The following EYA4 variants were observed in gnomAD, a reference collection of about 807,000 sequenced individuals.
EYA4 encodes EYA transcriptional coactivator and phosphatase 4.
A neutral mutation model predicts 87.9 loss-of-function variants in EYA4; 31 were observed. The observed-to-expected ratio is 0.35, with a 90% confidence interval of 0.27 to 0.48. EYA4 has a LOEUF of 0.48. Ranked by LOEUF, EYA4 falls within the 20% of genes least tolerant of loss-of-function variation. The pLI is 0.99. For synonymous variants in EYA4, 263 were observed against 270.6 expected (o/e 0.97, Z 0.28); for missense variants, 678 against 761.4 (o/e 0.89, Z 1.29).
intron 14 of EYA4, among the ~76,000 whole-genome samples, chr6:133,509,069 C>A (rs896100517): frequency 2.0e-5 from 3 of 152,102 alleles, no homozygotes; most frequent in Non-Finnish European, 4.4e-5. Flanking sequence ...AGATAAAGTG[C>A]CCAAGGAAAC....
chr6:133,320,828 C>T (rs1003339819), intron 2 of EYA4, among the ~76,000 whole-genome samples: 3 of 152,172 alleles, frequency 2.0e-5, no homozygotes, highest in Admixed American at 1.3e-4. Context: ...CCAGCTCCAT[C>T]TGTGTTGCTG....
chr6:133,373,685 C>T (rs1388068127), intron 2 of EYA4, among the ~76,000 whole-genome samples: 1 of 151,952 alleles, frequency 6.6e-6, no homozygotes, highest in East Asian at 1.9e-4. Flanking sequence ...TCTTGTGACA[C>T]CCAGGACGGC....
chr6:133,464,915 AC>A, intron 10 of EYA4, 57 bp downstream of exon 10: 1 of 1,179,718 alleles, frequency 8.5e-7, no homozygotes, highest in Non-Finnish European at 1.3e-6. Context: ...TTTGAAGAGT[AC>A]TCTCAGGTTG....
intron 1 of EYA4, among the ~76,000 whole-genome samples, chr6:133,261,179 G>A (rs1312553552): frequency 6.6e-6 from 1 of 152,158 alleles, no homozygotes; most frequent in African/African-American, 2.4e-5. Flanking sequence ...CGTCACAGCA[G>A]CCTTTAAGTT....
At chr6:133,265,400 GC>G (rs1463677285) in intron 1 of EYA4, among the ~76,000 whole-genome samples, 1 of 151,898 alleles carries the variant, frequency 6.6e-6, no homozygotes, top group Non-Finnish European at 1.5e-5. Flanking sequence ...TAGATTATTG[GC>G]TCATAAAACA....
chr6:133,279,342 C>T (rs1168512369), intron 2 of EYA4, among the ~76,000 whole-genome samples: 4 of 152,026 alleles, frequency 2.6e-5, no homozygotes, highest in African/African-American at 9.7e-5. Context: ...TAAATCAATT[C>T]ACTTATATTG....
At chr6:133,451,329 C>T (rs1793420478) in intron 5 of EYA4, among the ~76,000 whole-genome samples, 1 of 152,168 alleles carries the variant, frequency 6.6e-6, no homozygotes, top group Non-Finnish European at 1.5e-5. Flanking sequence ...TCAGATTTGG[C>T]CCAACTCCTG....
At chr6:133,244,010 C>T (rs1774198868) in intron 1 of EYA4, among the ~76,000 whole-genome samples, 1 of 152,078 alleles carries the variant, frequency 6.6e-6, no homozygotes, top group South Asian at 2.1e-4. Context: ...AAGTTAAACC[C>T]GTATTTAGGA....
intron 3 of EYA4, among the ~76,000 whole-genome samples, chr6:133,391,396 AT>A (rs1366017838): frequency 6.6e-6 from 1 of 151,802 alleles, no homozygotes; most frequent in Non-Finnish European, 1.5e-5. Flanking sequence ...CAAAGGATTA[AT>A]TTCTTAACTC....
intron 1 of EYA4, among the ~76,000 whole-genome samples, chr6:133,244,627 T>TAAA (rs5880167): frequency 0.018 from 2,625 of 145,560 alleles, 32 homozygotes; most frequent in African/African-American, 0.036. Context: ...CTCTTTGGGT[T>TAAA]AAAAAAAAAA....
At chr6:133,404,787 G>A (rs943170607) in intron 3 of EYA4, among the ~76,000 whole-genome samples, 5 of 152,168 alleles carry the variant, frequency 3.3e-5, no homozygotes, top group Non-Finnish European at 7.3e-5. Context: ...TTCACGTGTA[G>A]CCCTGCCTCA....
chr6:133,388,781 A>G (rs143837420), intron 3 of EYA4, among the ~76,000 whole-genome samples: 2 of 152,340 alleles, frequency 1.3e-5, no homozygotes, highest in African/African-American at 4.8e-5. Context: ...TTCTTCATTC[A>G]TACCGTGTTT....
chr6:133,512,821 G>A (rs377414272), intron 15 of EYA4, 42 bp downstream of exon 15: 33 of 1,611,926 alleles, frequency 2.0e-5, no homozygotes, highest in South Asian at 1.6e-4. Flanking sequence ...ACAGAAATTC[G>A]GCTGTGGAGT....
intron 2 of EYA4, among the ~76,000 whole-genome samples, chr6:133,286,814 G>C (rs1389328449): frequency 6.6e-6 from 1 of 152,144 alleles, no homozygotes; most frequent in Non-Finnish European, 1.5e-5. Flanking sequence ...GATGTTTCTA[G>C]GCACTTCAGG....
intron 2 of EYA4, among the ~76,000 whole-genome samples, chr6:133,332,035 T>G (rs1782001642): frequency 6.6e-6 from 1 of 152,198 alleles, no homozygotes; most frequent in Non-Finnish European, 1.5e-5. Flanking sequence ...TCAGTGGACT[T>G]ACTTATAATT....
At chr6:133,399,737 AT>A (rs1320480886) in intron 3 of EYA4, among the ~76,000 whole-genome samples, 1 of 152,104 alleles carries the variant, frequency 6.6e-6, no homozygotes, top group African/African-American at 2.4e-5. Context: ...TGTTAACAGC[AT>A]TTTTTCTCCT....
At chr6:133,382,789 G>C (rs1038959602) in intron 3 of EYA4, among the ~76,000 whole-genome samples, 1 of 86,292 alleles carries the variant, frequency 1.2e-5, no homozygotes, top group African/African-American at 3.5e-5. Context: ...TCAAATCTGT[G>C]TTTACAAAAA....
At chr6:133,264,277 G>A (rs1026422609) in intron 1 of EYA4, among the ~76,000 whole-genome samples, 2 of 152,244 alleles carry the variant, frequency 1.3e-5, no homozygotes, top group African/African-American at 2.4e-5. Context: ...TTTTGGCAGA[G>A]CGGTACTACC....
At chr6:133,522,586 GT>G (rs1298670233) in intron 17 of EYA4, among the ~76,000 whole-genome samples, 1 of 152,040 alleles carries the variant, frequency 6.6e-6, no homozygotes, top group Non-Finnish European at 1.5e-5. Context: ...AATAGTTAAT[GT>G]TTTTTGTTTT....
Sources: gnomAD v4.1 joint callset for allele counts (sites outside exome capture counted in the v4.1 genomes callset) on GRCh38, gnomAD v4.1.1 for gene constraint, MANE v1.5 for transcripts, NCBI Gene and HGNC (gene_info 2026-07-23, HGNC 2026-07-21) for gene names.